The following TNR variants were observed in gnomAD, a reference collection of about 807,000 sequenced individuals.
TNR encodes tenascin-R.
Under a neutral mutation model 150.4 loss-of-function variants are expected in TNR, and 45 were observed. That is an observed-to-expected ratio of 0.30 (90% CI 0.24 to 0.38). The LOEUF is 0.38. Among genes scored for constraint, TNR ranks in the 10% least tolerant of loss-of-function variants. TNR has a pLI of 1.00. For synonymous variants in TNR, 687 were observed against 678.4 expected, an observed-to-expected ratio of 1.01 and a Z score of -0.20; for missense variants, 1,544 against 1,759.1, an observed-to-expected ratio of 0.88 and a Z score of 2.19.
At chr1:175,417,076 A>AAAGAAAGAAAGAAAGAAATC (rs1491457290) in intron 2 of TNR, among the ~76,000 whole-genome samples, 50 of 113,754 alleles carry the variant, frequency 4.4e-4, no homozygotes, top group African/African-American at 1.3e-3. Context: ...AGAAAGAAAG[A>AAAGAAAGAAAGAAAGAAATC]AATCTAAGAA....
At chr1:175,551,659 T>C (rs1367844056) in intron 1 of TNR, among the ~76,000 whole-genome samples, 2 of 152,086 alleles carry the variant, frequency 1.3e-5, no homozygotes, top group African/African-American at 4.8e-5. Flanking sequence ...ACAATTGTAA[T>C]TAAGAACAAA....
intron 2 of TNR, among the ~76,000 whole-genome samples, chr1:175,474,177 G>C (rs893800213): frequency 6.6e-6 from 1 of 152,174 alleles, no homozygotes; most frequent in African/African-American, 2.4e-5. Context: ...GAAGACACCA[G>C]TTATGGGCTA....
intron 1 of TNR, among the ~76,000 whole-genome samples, chr1:175,578,657 G>A (rs1662217696): frequency 6.6e-6 from 1 of 152,190 alleles, no homozygotes; most frequent in South Asian, 2.1e-4. Context: ...GGCCCCTAAT[G>A]GCTTCAGTGA....
chr1:175,363,936 ACAAGATCTTTC>A, intron 12 of TNR, 109 bp from the exon 13 acceptor site: 1 of 1,375,274 alleles, frequency 7.3e-7, no homozygotes, highest in South Asian at 1.5e-5. Flanking sequence ...CCAAAGGCAG[ACAAGATCTTTC>A]CATGTAATAG....
intron 18 of TNR, among the ~76,000 whole-genome samples, chr1:175,344,877 A>G (rs1043694838): frequency 1.3e-4 from 20 of 152,152 alleles, no homozygotes; most frequent in African/African-American, 4.8e-4. Flanking sequence ...AGTCTGATAA[A>G]AAAACAAAAA....
intron 1 of TNR, among the ~76,000 whole-genome samples, chr1:175,542,988 C>A (rs1660561432): frequency 6.6e-6 from 1 of 152,198 alleles, no homozygotes; most frequent in Admixed American, 6.5e-5. Flanking sequence ...GCATGAGACA[C>A]AACCATGCAG....
At chr1:175,370,038 C>A (rs1333613396) in intron 9 of TNR, among the ~76,000 whole-genome samples, 1 of 152,182 alleles carries the variant, frequency 6.6e-6, no homozygotes, top group Non-Finnish European at 1.5e-5. Context: ...CTTTCCCAAC[C>A]CTTAATTCTT....
At chr1:175,697,696 C>T (rs907223303) in intron 1 of TNR, among the ~76,000 whole-genome samples, 24 of 152,196 alleles carry the variant, frequency 1.6e-4, no homozygotes, top group Non-Finnish European at 3.2e-4. Context: ...CAAATGGTGG[C>T]TGATATTCAG....
intron 1 of TNR, among the ~76,000 whole-genome samples, chr1:175,734,121 C>A (rs1667713688): frequency 6.6e-6 from 1 of 152,138 alleles, no homozygotes; most frequent in Non-Finnish European, 1.5e-5. Context: ...CAGCCTCAGG[C>A]CAAATAGGGC....
intron 1 of TNR, among the ~76,000 whole-genome samples, chr1:175,617,147 T>A (rs1189529284): frequency 6.6e-6 from 1 of 152,198 alleles, no homozygotes; most frequent in Non-Finnish European, 1.5e-5. Flanking sequence ...TTCAATGGCA[T>A]GGTTAGAGTC....
At chr1:175,402,121 C>G (rs1472517337) in intron 4 of TNR, among the ~76,000 whole-genome samples, 1 of 151,470 alleles carries the variant, frequency 6.6e-6, no homozygotes, top group Non-Finnish European at 1.5e-5. Context: ...TCCTGGCTAA[C>G]AAGGTGAAAC....
At position 175,363,727 on chromosome 1, in the gene TNR, T is replaced by G; in HGVS notation, c.2688A>C (p.Val896=). 6.2e-7 allele frequency: 1 copy of G among 1,613,798 alleles called. No individual in the cohort carries two copies. Among genetic ancestry groups the G allele is most frequent in the Non-Finnish European group, 8.5e-7 (1 of 1,179,824 alleles). ...PPVASFDYYR[V]SYRPTQVGRL... ...TGTTACCTTGGGTGGGTCGATATGA[T>G]ACTCGGTAGTAATCGAAAGATGCAA... is the stretch of plus-strand genomic sequence containing the variant. The change falls in exon 13 of 23, where the codon GTA becomes GTC. Residue 896 remains valine, a synonymous_variant. Coordinates refer to ENST00000367674, the MANE Select transcript of TNR (RefSeq NM_003285.3).
At chr1:175,445,905 G>T (rs183340961) in intron 2 of TNR, among the ~76,000 whole-genome samples, 30 of 152,254 alleles carry the variant, frequency 2.0e-4, no homozygotes, top group African/African-American at 6.7e-4. Flanking sequence ...AAAATAAGCT[G>T]ATTGCTTTTA....
At chr1:175,415,012 G>T (rs1319404122) in intron 2 of TNR, among the ~76,000 whole-genome samples, 1 of 151,724 alleles carries the variant, frequency 6.6e-6, no homozygotes, top group East Asian at 1.9e-4. Flanking sequence ...AAGGAGAAGT[G>T]ACCTCCTGGG....
At chr1:175,708,750 T>C (rs1225692883) in intron 1 of TNR, among the ~76,000 whole-genome samples, 1 of 152,058 alleles carries the variant, frequency 6.6e-6, no homozygotes, top group East Asian at 1.9e-4. Flanking sequence ...AAGAAGGAAA[T>C]CTTACAGCCA....
chr1:175,703,021 A>C (rs1467979972), intron 1 of TNR, among the ~76,000 whole-genome samples: 1 of 152,062 alleles, frequency 6.6e-6, no homozygotes, highest in Non-Finnish European at 1.5e-5. Context: ...TCGACATTCC[A>C]TGAAAATTTT....
intron 2 of TNR, among the ~76,000 whole-genome samples, chr1:175,506,488 G>A (rs1033938889): frequency 2.6e-5 from 4 of 152,190 alleles, no homozygotes; most frequent in Non-Finnish European, 5.9e-5. Flanking sequence ...TAATGAAGCC[G>A]TTAGGGTGGG....
chr1:175,622,256 T>C (rs1234076492), intron 1 of TNR, among the ~76,000 whole-genome samples: 3 of 152,232 alleles, frequency 2.0e-5, no homozygotes, highest in Non-Finnish European at 4.4e-5. Flanking sequence ...TCATTTCCTA[T>C]TGAATCCCTG....
intron 1 of TNR, among the ~76,000 whole-genome samples, chr1:175,602,857 C>A (rs987371076): frequency 5.9e-5 from 9 of 152,202 alleles, no homozygotes; most frequent in Non-Finnish European, 1.2e-4. Flanking sequence ...CAGCTCATTT[C>A]CAATAAACGG....
Sources: allele counts gnomAD v4.1 joint callset (sites outside exome capture counted in the v4.1 genomes callset), GRCh38; gene constraint gnomAD v4.1.1; transcripts MANE v1.5; gene names NCBI Gene and HGNC (gene_info 2026-07-23, HGNC 2026-07-21).